NF1: variants seen among roughly 807,000 people sequenced by gnomAD.
NF1 encodes neurofibromin.
In NF1, 122 loss-of-function variants were observed where a neutral mutation model predicts 325.7. The ratio of observed to expected loss-of-function variants is 0.37; its 90% CI spans 0.32 to 0.44. The LOEUF is 0.44. NF1 is among the 20% of genes least tolerant of loss of function. The pLI, the probability that NF1 is intolerant of heterozygous loss-of-function variation, is 1.00. For synonymous variants in NF1, 1,091 were observed against 1,186.0 expected, an observed-to-expected ratio of 0.92 and a Z score of 1.65; for missense variants, 2,140 against 3,415.4, an observed-to-expected ratio of 0.63 and a Z score of 9.31.
At chr17:31,113,689 C>T (rs913167633) in intron 1 of NF1, among the ~76,000 whole-genome samples, 12 of 151,978 alleles carry the variant, frequency 7.9e-5, no homozygotes, top group African/African-American at 2.9e-4. Context: ...ACCACGATGC[C>T]TGGCTAATTT....
intron 57 of NF1, chr17:31,367,402 A>G: frequency 2.2e-6 from 1 of 457,712 alleles, no homozygotes. Context: ...CACTTTAGGA[A>G]CTTGTAAAGC....
intron 47 of NF1, among the ~76,000 whole-genome samples, chr17:31,341,029 C>G (rs2151562808): frequency 6.6e-6 from 1 of 152,082 alleles, no homozygotes; most frequent in Middle Eastern, 3.4e-3. Flanking sequence ...TTTTCATAAC[C>G]TTAAGGTAAA....
intron 4 of NF1, among the ~76,000 whole-genome samples, chr17:31,168,641 G>C (rs997790605): frequency 1.3e-5 from 2 of 151,446 alleles, no homozygotes. Flanking sequence ...TCATTTGGCT[G>C]GGGGGGGACA....
chr17:31,095,651 C>G (rs1262841331), intron 1 of NF1, among the ~76,000 whole-genome samples: 2 of 152,170 alleles, frequency 1.3e-5, no homozygotes, highest in Admixed American at 6.5e-5. Context: ...TTATCCCAGC[C>G]CTTCCGCTTG....
rs1555536122 is a variant in NF1 at position 31,350,216 on chromosome 17, G to A, written c.7355G>A (p.Arg2452His). 2 of 1,613,862 alleles carry A rather than the reference G, an allele frequency of 1.2e-6. No homozygotes were observed. Among genetic ancestry groups the A allele is most frequent in the Non-Finnish European group, 1.7e-6 (2 of 1,179,864 alleles). Residue 2452 changes from arginine to histidine, a missense_variant, in exon 50 of 58, where the codon CGC (arginine) becomes CAC (histidine). Coordinates refer to ENST00000358273, the MANE Select transcript of NF1 (RefSeq NM_001042492.3). ...LLTVSEEVRSRCSLKHRKSLL... is the reference protein window; with the variant it reads ...LLTVSEEVRSHCSLKHRKSLL... ...ACAGTGTCTGAAGAAGTTCGAAGTC[G>A]CTGCAGCCTAAAACATAGAAAGTCA...
chr17:31,129,768 GTTT>G (rs2143452364), intron 1 of NF1, among the ~76,000 whole-genome samples: 1 of 152,146 alleles, frequency 6.6e-6, no homozygotes, highest in African/African-American at 2.4e-5. Context: ...GTATGAGGTC[GTTT>G]ATATTCTTTT....
At chr17:31,186,158 A>G (rs1319386069) in intron 8 of NF1, among the ~76,000 whole-genome samples, 2 of 152,068 alleles carry the variant, frequency 1.3e-5, no homozygotes, top group Non-Finnish European at 2.9e-5. Context: ...GCAGGTCCTG[A>G]AGGCACAAGT....
chr17:31,294,056 C>T (rs1452657401), intron 36 of NF1, among the ~76,000 whole-genome samples: 2 of 152,148 alleles, frequency 1.3e-5, no homozygotes, highest in East Asian at 3.8e-4. Context: ...CTCTCTCCTT[C>T]CTCACTTCCT....
chr17:31,227,125 C>A, intron 18 of NF1, 93 bp from the exon 19 acceptor site: 1 of 1,307,746 alleles, frequency 7.6e-7, no homozygotes, highest in South Asian at 1.2e-5. Flanking sequence ...TTGCTCTGCT[C>A]TTCCTACTCC....
chr17:31,316,991 A>G (rs1322529389), intron 36 of NF1, among the ~76,000 whole-genome samples: 1 of 152,214 alleles, frequency 6.6e-6, no homozygotes, highest in Non-Finnish European at 1.5e-5. Flanking sequence ...GAAGGAAGAC[A>G]TGGGAATTAG....
At chr17:31,221,798 A>G (rs1189588857) in intron 14 of NF1, 52 bp from the exon 15 acceptor site, 12 of 1,342,712 alleles carry the variant, frequency 8.9e-6, no homozygotes, top group Non-Finnish European at 1.1e-5. Context: ...ATGTTTACCA[A>G]AAATGTTTGA....
At chr17:31,303,329 C>T (rs959571644) in intron 36 of NF1, among the ~76,000 whole-genome samples, 7 of 152,062 alleles carry the variant, frequency 4.6e-5, no homozygotes, top group South Asian at 2.1e-4. Flanking sequence ...AAAGATTGGG[C>T]CCATTCCTAC....
At chr17:31,124,174 A>C (rs1283706358) in intron 1 of NF1, among the ~76,000 whole-genome samples, 1 of 152,148 alleles carries the variant, frequency 6.6e-6, no homozygotes, top group African/African-American at 2.4e-5. Flanking sequence ...ACATTTTTAC[A>C]TAAAAAATGT....
chr17:31,095,726 CCTTA>C (rs906441244), intron 1 of NF1, among the ~76,000 whole-genome samples: 3 of 152,146 alleles, frequency 2.0e-5, no homozygotes, highest in Admixed American at 1.3e-4. Flanking sequence ...ATAATTACCC[CCTTA>C]CTTTTGTTTT....
chr17:31,175,918 A>G lies in NF1; in HGVS notation c.587-5504A>G, dbSNP rs142122757. ...GTGCCACATTTTCTTTATCCAGTCT[A>G]TCATTGATGGGCATTTGGATTGGTT... On this transcript the variant is annotated intron_variant, in intron 5 of 57. Transcript: ENST00000358273. Among the ~76,000 whole-genome samples, 25 of 152,296 alleles carry G rather than the reference A, an allele frequency of 1.6e-4. 1 individual carries two copies. In the East Asian group the frequency reaches 4.2e-3, roughly 26 times the overall value.
At chr17:31,135,502 C>CA (rs1915700170) in intron 1 of NF1, among the ~76,000 whole-genome samples, 1 of 152,054 alleles carries the variant, frequency 6.6e-6, no homozygotes, top group African/African-American at 2.4e-5. Context: ...AGTTCATTTA[C>CA]ATTCATTGTG....
intron 16 of NF1, among the ~76,000 whole-genome samples, 189 bp from the exon 17 acceptor site, chr17:31,224,904 GAA>G (rs1369609360): frequency 2.0e-5 from 3 of 152,134 alleles, no homozygotes; most frequent in Non-Finnish European, 4.4e-5. Flanking sequence ...GAAACTGAAA[GAA>G]ATTTTAAAGA....
chr17:31,294,356 T>C (rs1043602595), intron 36 of NF1, among the ~76,000 whole-genome samples: 5 of 152,232 alleles, frequency 3.3e-5, no homozygotes, highest in Admixed American at 6.5e-5. Context: ...GCCTAGTGTC[T>C]TCTAGCTTTT....
At chr17:31,210,329 T>G (rs1395442035) in intron 12 of NF1, among the ~76,000 whole-genome samples, 5 of 152,206 alleles carry the variant, frequency 3.3e-5, no homozygotes, top group Non-Finnish European at 5.9e-5. Flanking sequence ...ATGCCTATAA[T>G]ACCAGCACTT....
Sources: gnomAD v4.1 joint callset for allele counts (sites outside exome capture counted in the v4.1 genomes callset) on GRCh38, gnomAD v4.1.1 for gene constraint, MANE v1.5 for transcripts, NCBI Gene and HGNC (gene_info 2026-07-23, HGNC 2026-07-21) for gene names.